Variants in NLGN4Y observed in about 807,000 individuals in gnomAD.
NLGN4Y encodes neuroligin 4 Y-linked, also known as neuroligin-4, Y-linked.
In NLGN4Y, 4 loss-of-function variants were observed where a neutral mutation model predicts 8.4. That is an observed-to-expected ratio of 0.48 (90% confidence interval 0.23 to 1.09). The LOEUF (loss-of-function observed/expected upper bound fraction) is 1.09, where lower values mean the gene tolerates loss of function less well. Ranked by LOEUF, NLGN4Y falls within the 50% of genes least tolerant of loss-of-function variation. The pLI is 0.19. For missense variants in NLGN4Y, 90 were observed against 192.3 expected (o/e 0.47, Z 3.15); for synonymous variants, 35 against 75.6 (o/e 0.46, Z 2.78).
At chrY:14,784,230 A>G in intron 4 of NLGN4Y, among the ~76,000 whole-genome samples, 1 of 33,919 alleles carries the variant, frequency 2.9e-5, no homozygotes, top group Non-Finnish European at 7.3e-5. Flanking sequence ...CTTATACCAT[A>G]TTGGTGGGAG....
chrY:14,830,532 T>C lies in NLGN4Y; in HGVS notation c.1661+13T>C. 1.0e-5 allele frequency: 4 copies of C among 396,009 alleles called. No homozygotes were observed. The highest frequency in any genetic ancestry group is 1.4e-5 in the Non-Finnish European group (4 of 280,936). On this transcript the variant is annotated intron_variant, in intron 6 of 6. Coordinates refer to ENST00000684976, the MANE Select transcript of NLGN4Y (RefSeq NM_001365588.1). ...TCGCCAAAACTGGGTACGTTCTTCT[T>C]CATGTTGGGGTATCACTGTCCTCTT...
intron 4 of NLGN4Y, among the ~76,000 whole-genome samples, chrY:14,785,586 A>C: frequency 1.5e-4 from 5 of 32,953 alleles, no homozygotes; most frequent in Non-Finnish European, 3.0e-4. Flanking sequence ...AACACGGTGA[A>C]ACCCCGTCTC....
At chrY:14,535,166 A>G in intron 1 of NLGN4Y, among the ~76,000 whole-genome samples, 1 of 33,556 alleles carries the variant, frequency 3.0e-5, no homozygotes, top group African/African-American at 1.2e-4. Context: ...CCTAACATGC[A>G]TACCAGTATT....
intron 1 of NLGN4Y, among the ~76,000 whole-genome samples, chrY:14,590,108 G>A (rs893285783): frequency 2.9e-5 from 1 of 34,338 alleles, no homozygotes. Context: ...ACGCCCACCC[G>A]GAACTCCAGC....
chrY:14,769,944 C>A, intron 4 of NLGN4Y, among the ~76,000 whole-genome samples: 1 of 33,344 alleles, frequency 3.0e-5, no homozygotes, highest in African/African-American at 1.2e-4. Context: ...ACAGTTAGAA[C>A]TCATCGGAGT....
At chrY:14,743,449 C>T in intron 4 of NLGN4Y, among the ~76,000 whole-genome samples, 1 of 30,504 alleles carries the variant, frequency 3.3e-5, no homozygotes, top group African/African-American at 1.3e-4. Flanking sequence ...ATGAGATCAT[C>T]CCACTGCATT....
intron 2 of NLGN4Y, among the ~76,000 whole-genome samples, chrY:14,667,090 GT>G: frequency 3.9e-5 from 1 of 25,506 alleles, no homozygotes; most frequent in Non-Finnish European, 9.3e-5. Context: ...TGTACACTGT[GT>G]GAATATTTCA....
intron 4 of NLGN4Y, among the ~76,000 whole-genome samples, chrY:14,757,358 A>G: frequency 3.1e-5 from 1 of 32,373 alleles, no homozygotes; most frequent in African/African-American, 1.2e-4. Context: ...CTCAGTTTCC[A>G]CATTTTTAAA....
Position 14,622,234 on chromosome Y carries a change from A to C in NLGN4Y, c.115A>C (p.Ile39Leu). ...ITALAIKFTL[I>L]DSQAQYPVVN... ...TGCTCTTGCCATCAAGTTCACCCTC[A>C]TTGACAGCCAAGCACAGTATCCAGT... Residue 39 changes from isoleucine (I) to leucine (L), a missense_variant, in exon 2 of 7, where the codon ATT becomes CTT. Physicochemically the swap from Ile to Leu is conservative, Grantham distance 5 (BLOSUM62 2). Around this residue, in one of 4 missense-constraint regions of NLGN4Y, gnomAD observed 37 missense variants for 38.5 expected, o/e 0.96. Coordinates refer to ENST00000684976, the MANE Select transcript of NLGN4Y (RefSeq NM_001365588.1). 1 of 398,796 alleles carries C rather than the reference A, an allele frequency of 2.5e-6. No individual in the cohort carries two copies. The highest frequency in any genetic ancestry group is 3.5e-6 in the Non-Finnish European group (1 of 283,364).
chrY:14,616,064 ATC>A (rs2080487742), intron 1 of NLGN4Y, among the ~76,000 whole-genome samples: 1 of 31,556 alleles, frequency 3.2e-5, no homozygotes, highest in Non-Finnish European at 8.1e-5. Flanking sequence ...TCAGCTGTGA[ATC>A]TGTCTGGTCC....
At chrY:14,602,880 C>T (rs751244226) in intron 1 of NLGN4Y, among the ~76,000 whole-genome samples, 1 of 32,514 alleles carries the variant, frequency 3.1e-5, no homozygotes, top group African/African-American at 1.2e-4. Context: ...CATAATGTGG[C>T]CTGTCTGGGG....
chrY:14,757,502 AATAT>A (rs2081065425), intron 4 of NLGN4Y, among the ~76,000 whole-genome samples: 1 of 33,155 alleles, frequency 3.0e-5, no homozygotes, highest in African/African-American at 1.2e-4. Context: ...ATCACTGACT[AATAT>A]CTTCATGGAC....
At chrY:14,578,662 A>C in intron 1 of NLGN4Y, among the ~76,000 whole-genome samples, 1 of 32,721 alleles carries the variant, frequency 3.1e-5, no homozygotes, top group Non-Finnish European at 7.5e-5. Context: ...GAATTCACTT[A>C]CTATACAGTA....
chrY:14,640,415 A>G, intron 2 of NLGN4Y: 1 of 79,739 alleles, frequency 1.3e-5, no homozygotes, highest in Non-Finnish European at 2.7e-5. Flanking sequence ...AGCAGGACCA[A>G]AAGGGAACAG....
intron 1 of NLGN4Y, among the ~76,000 whole-genome samples, chrY:14,620,680 C>T: frequency 2.9e-5 from 1 of 34,151 alleles, no homozygotes; most frequent in East Asian, 7.7e-4. Flanking sequence ...CTCAGAAACA[C>T]ATTTGCATAC....
chrY:14,677,732 T>A, intron 2 of NLGN4Y, among the ~76,000 whole-genome samples: 8 of 32,411 alleles, frequency 2.5e-4, no homozygotes, highest in Non-Finnish European at 3.8e-4. Context: ...TTATTTTTTT[T>A]ATTTTTTTGC....
At chrY:14,658,181 T>G (rs2080661243) in intron 2 of NLGN4Y, among the ~76,000 whole-genome samples, 2 of 33,386 alleles carry the variant, frequency 6.0e-5, no homozygotes, top group Non-Finnish European at 1.5e-4. Flanking sequence ...AGACTGATCA[T>G]TTTTAATTTT....
At chrY:14,707,381 G>T (rs2080885592) in intron 2 of NLGN4Y, among the ~76,000 whole-genome samples, 1 of 28,399 alleles carries the variant, frequency 3.5e-5, no homozygotes, top group Admixed American at 3.4e-4. Flanking sequence ...GTAGAGATAG[G>T]GTTTCACCGT....
At chrY:14,569,043 A>G in intron 1 of NLGN4Y, among the ~76,000 whole-genome samples, 2 of 33,406 alleles carry the variant, frequency 6.0e-5, no homozygotes, top group Non-Finnish European at 1.5e-4. Context: ...TAGAAAAGCG[A>G]TACATATTTA....
Sources: allele counts gnomAD v4.1 joint callset (sites outside exome capture counted in the v4.1 genomes callset), GRCh38; gene constraint gnomAD v4.1.1; regional missense constraint gnomAD v4.1.1; transcripts MANE v1.5; gene names NCBI Gene and HGNC (gene_info 2026-07-23, HGNC 2026-07-21).